The following GMDS variants were observed in gnomAD, a reference collection of about 807,000 sequenced individuals.
GMDS encodes the protein GDP-mannose 4,6-dehydratase, also known as GDP-mannose 4,6 dehydratase.
In GMDS, 20 loss-of-function variants were observed where a neutral mutation model predicts 49.9. That is an observed-to-expected ratio of 0.40 (90% CI 0.28 to 0.58). GMDS has a LOEUF of 0.58. Among genes scored for constraint, GMDS ranks in the 20% least tolerant of loss-of-function variants. The pLI, the probability that GMDS is intolerant of heterozygous loss-of-function variation, is 0.42. For missense variants in GMDS, 362 were observed against 481.4 expected, an observed-to-expected ratio of 0.75 and a Z score of 2.32; for synonymous variants, 177 against 178.6, an observed-to-expected ratio of 0.99 and a Z score of 0.07.
chr6:1,902,998 T>C (rs947595575), intron 7 of GMDS, among the ~76,000 whole-genome samples: 3 of 152,174 alleles, frequency 2.0e-5, no homozygotes, highest in African/African-American at 7.2e-5. Flanking sequence ...AAAAGCCTAT[T>C]TATATCTATC....
intron 9 of GMDS, among the ~76,000 whole-genome samples, chr6:1,681,990 T>C (rs941064525): frequency 6.6e-6 from 1 of 151,940 alleles, no homozygotes; most frequent in South Asian, 2.1e-4. Context: ...CCACTGTGCC[T>C]GGCTTTTTTT....
Position 1,830,021 on chromosome 6 carries a change from CTCT to C in GMDS, c.772-87438_772-87436del, listed in dbSNP as rs374926347. On this transcript the variant is annotated intron_variant, in intron 7 of 10. Coordinates refer to ENST00000380815, the MANE Select transcript of GMDS (RefSeq NM_001500.4). ...TGTAATCACTAGTTAACTTATCAGT[CTCT>C]TCTTCTAGACTGCCGCTGTCCAATA... is the stretch of plus-strand genomic sequence containing the variant. Among the ~76,000 whole-genome samples the C allele has an allele frequency of 2.6e-5, 4 of 152,246 alleles. No homozygotes were observed. In the East Asian group the frequency reaches 5.8e-4, roughly 22 times the overall value.
chr6:1,868,719 G>T (rs1758566922), intron 7 of GMDS, among the ~76,000 whole-genome samples: 1 of 152,090 alleles, frequency 6.6e-6, no homozygotes, highest in African/African-American at 2.4e-5. Flanking sequence ...TGCTGCAAAG[G>T]TTACAAGTAA....
chr6:1,920,153 C>T (rs1373345086), intron 7 of GMDS, among the ~76,000 whole-genome samples: 1 of 152,166 alleles, frequency 6.6e-6, no homozygotes, highest in Non-Finnish European at 1.5e-5. Context: ...GAACATTCAA[C>T]TTAAAAAAGG....
At chr6:2,142,188 T>C (rs1252805250) in intron 1 of GMDS, among the ~76,000 whole-genome samples, 1 of 152,190 alleles carries the variant, frequency 6.6e-6, no homozygotes, top group Non-Finnish European at 1.5e-5. Flanking sequence ...CAGGTTCCTG[T>C]TCATATTCGA....
chr6:1,902,368 T>C (rs1390334596), intron 7 of GMDS, among the ~76,000 whole-genome samples: 1 of 152,190 alleles, frequency 6.6e-6, no homozygotes, highest in Non-Finnish European at 1.5e-5. Context: ...ATAAATTATC[T>C]GAACTAATGG....
intron 4 of GMDS, among the ~76,000 whole-genome samples, chr6:2,015,366 A>T (rs996433547): frequency 6.6e-6 from 1 of 152,210 alleles, no homozygotes; most frequent in African/African-American, 2.4e-5. Flanking sequence ...AACAAAATTA[A>T]ATTTAGAAAA....
chr6:1,896,314 C>G (rs1024587076), intron 7 of GMDS, among the ~76,000 whole-genome samples: 4 of 152,172 alleles, frequency 2.6e-5, no homozygotes, highest in Non-Finnish European at 4.4e-5. Context: ...TTTAGAGAAG[C>G]ACTGAGCTAA....
chr6:2,222,787 A>G (rs1780651529), intron 1 of GMDS, among the ~76,000 whole-genome samples: 1 of 152,206 alleles, frequency 6.6e-6, no homozygotes, highest in Non-Finnish European at 1.5e-5. Flanking sequence ...ACAGTGAGGC[A>G]GTTAATTTTG....
intron 9 of GMDS, among the ~76,000 whole-genome samples, chr6:1,634,687 G>A (rs1051573449): frequency 4.4e-4 from 67 of 152,178 alleles, no homozygotes; most frequent in African/African-American, 1.5e-3. Context: ...GGCATATGCT[G>A]CGATGCATGA....
intron 7 of GMDS, among the ~76,000 whole-genome samples, chr6:1,859,464 T>C (rs1349559122): frequency 6.6e-6 from 1 of 152,208 alleles, no homozygotes; most frequent in African/African-American, 2.4e-5. Context: ...TCAGCTGTAA[T>C]GGCCACCAAA....
chr6:1,729,284 T>G (rs1021742524), intron 8 of GMDS, among the ~76,000 whole-genome samples: 1 of 152,216 alleles, frequency 6.6e-6, no homozygotes, highest in Non-Finnish European at 1.5e-5. Context: ...AAAGTCAGAC[T>G]TGGGTCTGGT....
chr6:2,245,073 G>A lies in GMDS; in HGVS notation c.102+248C>T, dbSNP rs1174223622. On this transcript the variant is annotated intron_variant, in intron 1 of 10. Coordinates refer to ENST00000380815, the MANE Select transcript of GMDS (RefSeq NM_001500.4). ...GGCGGTCCTGCCCGGGTGTGAGCGC[G>A]ACATCCCGCGCGGCACACACGCTCA... Among the ~76,000 whole-genome samples, 5 of 152,342 alleles carry A rather than the reference G, an allele frequency of 3.3e-5. No homozygotes were observed. The South Asian group carries it at 1.0e-3, about 32-fold the overall frequency.
chr6:2,117,332 A>G, intron 3 of GMDS, 137 bp downstream of exon 3: 1 of 639,698 alleles, frequency 1.6e-6, no homozygotes, highest in East Asian at 2.8e-5. Context: ...AATCGTATTC[A>G]GTGCAGTAAT....
chr6:2,182,874 T>C (rs1778616337), intron 1 of GMDS, among the ~76,000 whole-genome samples: 1 of 152,114 alleles, frequency 6.6e-6, no homozygotes, highest in Admixed American at 6.5e-5. Context: ...GCCAGGCTAA[T>C]TTTTGTATTT....
At chr6:2,225,795 G>C (rs1780788122) in intron 1 of GMDS, among the ~76,000 whole-genome samples, 1 of 152,204 alleles carries the variant, frequency 6.6e-6, no homozygotes, top group Non-Finnish European at 1.5e-5. Flanking sequence ...TCTGGACCAT[G>C]ACCTACAAAC....
chr6:1,931,445 C>G (rs115612723), intron 6 of GMDS, among the ~76,000 whole-genome samples: 3,107 of 152,264 alleles, frequency 0.02, 109 homozygotes, highest in Admixed American at 0.091. Flanking sequence ...TACAATGGGA[C>G]TACCGTGGAA....
intron 9 of GMDS, among the ~76,000 whole-genome samples, chr6:1,662,155 T>C (rs1245706763): frequency 6.6e-6 from 1 of 152,128 alleles, no homozygotes; most frequent in Non-Finnish European, 1.5e-5. Context: ...TCCAGACCTT[T>C]ACAGCATTCA....
chr6:2,049,421 T>A (rs1037026967), intron 4 of GMDS, among the ~76,000 whole-genome samples: 1 of 152,196 alleles, frequency 6.6e-6, no homozygotes, highest in African/African-American at 2.4e-5. Flanking sequence ...ATCAGAAAGA[T>A]TTTTATAATT....
Sources: allele counts gnomAD v4.1 joint callset (sites outside exome capture counted in the v4.1 genomes callset), GRCh38; gene constraint gnomAD v4.1.1; transcripts MANE v1.5; gene names NCBI Gene and HGNC (gene_info 2026-07-23, HGNC 2026-07-21).